Variants in BAG4 observed in about 807,000 individuals in gnomAD.
BAG4 encodes the protein BAG family molecular chaperone regulator 4.
A neutral mutation model predicts 52.1 loss-of-function variants in BAG4; 28 were observed. That is an observed-to-expected ratio of 0.54 (90% confidence interval 0.40 to 0.74). The LOEUF is 0.74. Among genes scored for constraint, BAG4 ranks in the 30% least tolerant of loss-of-function variants. The probability of loss-of-function intolerance (pLI) is 0.00; values close to 1 mark genes in which losing one functional copy is unlikely to be tolerated. For synonymous variants in BAG4, 208 were observed against 217.0 expected, an observed-to-expected ratio of 0.96 and a Z score of 0.37; for missense variants, 525 against 572.0, an observed-to-expected ratio of 0.92 and a Z score of 0.84.
rs1186592212 is a variant in BAG4 at position 38,210,122 on chromosome 8, T to C, written c.1003T>C (p.Leu335=). ...AGTGAACAATGATGATTCAGATCTT[T>C]TGGATTCCCAAGTCCAGTATAGTGC... ...GTVNNDDSDL[L]DSQVQYSAEP... is the part of the protein sequence containing the mutation. Residue 335 remains leucine (L), a synonymous_variant, in exon 5 of 5, where the codon TTG becomes CTG. Transcript: ENST00000287322. 1 of 1,614,186 alleles carries C rather than the reference T, an allele frequency of 6.2e-7. No homozygotes were observed. Among genetic ancestry groups the C allele is most frequent in the African/African-American group, 1.3e-5 (1 of 75,066 alleles).
intron 2 of BAG4, among the ~76,000 whole-genome samples, chr8:38,200,575 A>T (rs1412626545): frequency 6.6e-6 from 1 of 152,124 alleles, no homozygotes; most frequent in East Asian, 1.9e-4. Flanking sequence ...CAACTTATGT[A>T]AAAAAGGCAG....
chr8:38,182,595 T>C (rs1454756441), intron 1 of BAG4, among the ~76,000 whole-genome samples: 1 of 152,244 alleles, frequency 6.6e-6, no homozygotes, highest in Non-Finnish European at 1.5e-5. Flanking sequence ...TTGTTTTAGT[T>C]TGTATTTCAT....
intron 1 of BAG4, among the ~76,000 whole-genome samples, chr8:38,178,524 T>G (rs1325361841): frequency 2.6e-5 from 4 of 152,244 alleles, no homozygotes; most frequent in African/African-American, 9.6e-5. Context: ...CCCTGGTTCT[T>G]TATTCGAATA....
At position 38,207,600 on chromosome 8, in the gene BAG4, A is replaced by G. The variant is rs750198951; in HGVS notation, c.467A>G (p.Tyr156Cys). 5.0e-6 allele frequency: 8 copies of G among 1,614,038 alleles called. No individual in the cohort carries two copies. The East Asian group carries it at 6.7e-5, about 13-fold the overall frequency. Residue 156 changes from tyrosine (Y) to cysteine (C), a missense_variant, in exon 3 of 5, where the codon TAT becomes TGT. Tyr to Cys is a radical substitution (Grantham distance 194). Around this residue, in one of 2 missense-constraint regions of BAG4, gnomAD observed 287 missense variants for 266.1 expected, o/e 1.08. Transcript: ENST00000287322. ...ACTGCCTCATACTCAGGGGCTTATT[A>G]TGCACCTGGTTATACTCAGACCAGT... Reference protein sequence around the residue: ...ANTASYSGAYYAPGYTQTSYS... With the variant: ...ANTASYSGAYCAPGYTQTSYS...
chr8:38,210,125 G>A lies in BAG4; in HGVS notation c.1006G>A (p.Asp336Asn). Reference protein sequence around the residue: ...TVNNDDSDLLDSQVQYSAEPQ... With the variant: ...TVNNDDSDLLNSQVQYSAEPQ... ...GAACAATGATGATTCAGATCTTTTG[G>A]ATTCCCAAGTCCAGTATAGTGCTGA... The change falls in exon 5 of 5, where the codon GAT becomes AAT. Residue 336 changes from aspartate (D) to asparagine (N), a missense_variant. By Grantham distance (23) the Asp-to-Asn change is conservative. Transcript: ENST00000287322. The A allele has an allele frequency of 6.2e-7, 1 of 1,614,102 alleles. No homozygotes were observed. Among genetic ancestry groups the A allele is most frequent in the East Asian group, 2.2e-5 (1 of 44,882 alleles).
In BAG4 at chr8:38,207,698, C is replaced by G; in HGVS notation, c.565C>G (p.Pro189Ala). ...SPTPVSRWIYPQQDCQTEAPP... is the reference protein window; with the variant it reads ...SPTPVSRWIYAQQDCQTEAPP... The stretch of plus-strand genomic sequence containing the variant: ...AACTCCAGTCTCTCGTTGGATCTAT[C>G]CCCAGCAGGACTGTCAGACTGAAGC... The change falls in exon 3 of 5, where the codon CCC (proline) becomes GCC (alanine). Residue 189 changes from proline (P) to alanine (A), a missense_variant. Physicochemically the swap from Pro to Ala is conservative, Grantham distance 27. Transcript: ENST00000287322. 2 of 1,614,066 alleles carry G rather than the reference C, an allele frequency of 1.2e-6. No homozygotes were observed. The highest frequency in any genetic ancestry group is 1.7e-6 in the Non-Finnish European group (2 of 1,179,938).
intron 2 of BAG4, chr8:38,203,834 CAAAA>C (rs58448399): frequency 5.1e-4 from 28 of 55,370 alleles, no homozygotes; most frequent in Non-Finnish European, 8.2e-4. Context: ...GACCCTGTCT[CAAAA>C]AAAAAAAAAA....
At position 38,210,032 on chromosome 8, in the gene BAG4, T is replaced by A; in HGVS notation, c.913T>A (p.Ser305Thr). The A allele has an allele frequency of 6.2e-7, 1 of 1,614,130 alleles. No individual in the cohort carries two copies. The highest frequency in any genetic ancestry group is 8.5e-7 in the Non-Finnish European group (1 of 1,180,028). Residue 305 changes from serine to threonine, a missense_variant, in exon 5 of 5, where the codon TCA becomes ACA. Ser to Thr is a moderately conservative substitution (Grantham distance 58). Transcript: ENST00000287322. Reference sequence around the variant, plus strand: ...GGATTCTTCATACCCCTATAGCCAATCAGATCAAAGCATGAACCGGCACAA... The same window carrying A: ...GGATTCTTCATACCCCTATAGCCAAACAGATCAAAGCATGAACCGGCACAA... Reference protein sequence around the residue: ...PKDSSYPYSQSDQSMNRHNFP... With the variant: ...PKDSSYPYSQTDQSMNRHNFP...
intron 3 of BAG4, among the ~76,000 whole-genome samples, 195 bp downstream of exon 3, chr8:38,207,961 T>G: frequency 6.6e-6 from 1 of 152,118 alleles, no homozygotes; most frequent in African/African-American, 2.4e-5. Context: ...AATCATAAAT[T>G]TTTATACTGA....
rs752663779 is a variant in BAG4, at chr8:38,210,207, G to T, written c.1088G>T (p.Ser363Ile). The change falls in exon 5 of 5, where the codon AGC becomes ATC. Residue 363 changes from serine (S) to isoleucine (I), a missense_variant. Around this residue, in one of 2 missense-constraint regions of BAG4, gnomAD observed 238 missense variants for 305.8 expected, o/e 0.78. Coordinates refer to ENST00000287322, the MANE Select transcript of BAG4 (RefSeq NM_004874.4). ...CATCCCAACAATCAAGATCAAAGTA[G>T]CAGTCTTCCTGAAGAATGTGTACCT... Reference protein sequence around the residue: ...SDHPNNQDQSSSLPEECVPSD... With the variant: ...SDHPNNQDQSISLPEECVPSD... 30 of 1,614,022 alleles carry T rather than the reference G, an allele frequency of 1.9e-5. No individual in the cohort carries two copies. The Admixed American group carries it at 4.8e-4, about 26-fold the overall frequency.
chr8:38,183,274 C>A (rs1318413464), intron 1 of BAG4, among the ~76,000 whole-genome samples: 1 of 151,982 alleles, frequency 6.6e-6, no homozygotes, highest in East Asian at 1.9e-4. Context: ...GTCTCGATCT[C>A]CTGACCTTGT....
At chr8:38,208,546 C>T (rs557558518) in intron 3 of BAG4, among the ~76,000 whole-genome samples, 27 of 151,722 alleles carry the variant, frequency 1.8e-4, no homozygotes, top group Non-Finnish European at 2.7e-4. Context: ...CTCCTGACCT[C>T]GTGATCCGCC....
chr8:38,188,636 C>CAT (rs1182380918), intron 1 of BAG4, among the ~76,000 whole-genome samples: 4 of 80,506 alleles, frequency 5.0e-5, no homozygotes, highest in Admixed American at 1.4e-4. Flanking sequence ...CATATATATA[C>CAT]ATATATACAT....
intron 1 of BAG4, among the ~76,000 whole-genome samples, chr8:38,187,866 CA>C (rs35690753): frequency 0.036 from 2,012 of 56,094 alleles, 34 homozygotes; most frequent in African/African-American, 0.11. Flanking sequence ...ACTAAAAATA[CA>C]AAAAAAAAAA....
intron 1 of BAG4, among the ~76,000 whole-genome samples, chr8:38,190,426 G>GT (rs1420913990): frequency 6.6e-6 from 1 of 152,042 alleles, no homozygotes; most frequent in East Asian, 1.9e-4. Context: ...AAGTCAGTAG[G>GT]TTTTTTCTTT....
intron 2 of BAG4, among the ~76,000 whole-genome samples, chr8:38,193,640 A>G (rs1408581151): frequency 6.6e-6 from 1 of 151,696 alleles, no homozygotes; most frequent in African/African-American, 2.4e-5. Flanking sequence ...ATCTCAGCTC[A>G]CTGCACCCTC....
intron 1 of BAG4, among the ~76,000 whole-genome samples, chr8:38,186,788 G>T (rs1274868624): frequency 2.0e-5 from 3 of 152,194 alleles, no homozygotes; most frequent in Non-Finnish European, 4.4e-5. Context: ...GTCAAGGAAA[G>T]ATACACTCAA....
At chr8:38,197,951 C>CA (rs1803591336) in intron 2 of BAG4, among the ~76,000 whole-genome samples, 6 of 152,280 alleles carry the variant, frequency 3.9e-5, no homozygotes, top group Admixed American at 3.9e-4. Context: ...CTGTCCACCT[C>CA]AGCCTCCCAA....
chr8:38,177,226 C>T (rs1803174999), intron 1 of BAG4, 87 bp downstream of exon 1: 4 of 1,541,992 alleles, frequency 2.6e-6, no homozygotes, highest in African/African-American at 1.4e-5. Context: ...ACTTGTTTTC[C>T]TTATGTGGAG....
Sources: gnomAD v4.1 joint callset for allele counts (sites outside exome capture counted in the v4.1 genomes callset) on GRCh38, gnomAD v4.1.1 for gene constraint, gnomAD v4.1.1 regional missense constraint, MANE v1.5 for transcripts, NCBI Gene and HGNC (gene_info 2026-07-23, HGNC 2026-07-21) for gene names.